Variants in RAPH1 observed in about 807,000 individuals in gnomAD.
RAPH1 encodes ras-associated and pleckstrin homology domains-containing protein 1.
RAPH1 carries 18 observed loss-of-function variants against 88.1 expected under a neutral mutation model. The ratio of observed to expected loss-of-function variants is 0.20; its 90% CI spans 0.14 to 0.30. The LOEUF is 0.30. Among genes scored for constraint, RAPH1 ranks in the 10% least tolerant of loss-of-function variants. The pLI is 1.00. For synonymous variants in RAPH1, 587 were observed against 559.0 expected (o/e 1.05, Z -0.71); for missense variants, 1,448 against 1,543.2 (o/e 0.94, Z 1.03).
intron 4 of RAPH1, among the ~76,000 whole-genome samples, chr2:203,473,033 G>C (rs914508747): frequency 1.3e-5 from 2 of 152,190 alleles, no homozygotes; most frequent in African/African-American, 2.4e-5. Context: ...ACAAACAATA[G>C]TTAAACATGA....
intron 2 of RAPH1, 101 bp from the exon 3 acceptor site, chr2:203,491,420 A>C: frequency 1.4e-6 from 1 of 706,194 alleles, no homozygotes; most frequent in Non-Finnish European, 2.3e-6. Context: ...CCACACTATA[A>C]TTAATTAAAC....
At chr2:203,477,159 G>C in intron 4 of RAPH1, 1 of 1,613,154 alleles carries the variant, frequency 6.2e-7, no homozygotes, top group Non-Finnish European at 8.5e-7. Flanking sequence ...ATAGCATGCT[G>C]TGAAAATGCA....
At position 203,439,727 on chromosome 2, in the gene RAPH1, G is replaced by T. The variant is rs1423630560; in HGVS notation, c.3463C>A (p.Pro1155Thr). 4 of 1,614,162 alleles carry T rather than the reference G, an allele frequency of 2.5e-6. No homozygotes were observed. In the Admixed American group the frequency reaches 6.7e-5, roughly 27 times the overall value. Residue 1155 changes from proline to threonine, a missense_variant, in exon 14 of 14, where the codon CCC becomes ACC. By Grantham distance (38) the Pro-to-Thr change is conservative. Around this residue, in one of 2 missense-constraint regions of RAPH1, gnomAD observed 935 missense variants for 890.1 expected, o/e 1.05. Coordinates refer to ENST00000319170, the MANE Select transcript of RAPH1 (RefSeq NM_213589.3). ...ATVVPQVPTS[P>T]KSSLSVQPGF... is the part of the protein sequence containing the mutation. The stretch of plus-strand genomic sequence containing the variant: ...GGCTGGACACTAAGGCTGGATTTGG[G>T]AGAGGTGGGCACTTGTGGCACAACT...
intron 1 of RAPH1, among the ~76,000 whole-genome samples, chr2:203,503,012 C>T (rs1176292259): frequency 6.6e-6 from 1 of 151,878 alleles, no homozygotes; most frequent in African/African-American, 2.4e-5. Flanking sequence ...TAGTGGCTGG[C>T]AGGCACCTGT....
At chr2:203,498,729 C>T (rs1688618393) in intron 1 of RAPH1, among the ~76,000 whole-genome samples, 1 of 151,974 alleles carries the variant, frequency 6.6e-6, no homozygotes, top group African/African-American at 2.4e-5. Flanking sequence ...AAATGCCATA[C>T]TGGGAAAAAT....
chr2:203,521,943 A>C (rs759304963), intron 1 of RAPH1, among the ~76,000 whole-genome samples: 1 of 152,138 alleles, frequency 6.6e-6, no homozygotes, highest in Admixed American at 6.5e-5. Flanking sequence ...ATTTCCATTA[A>C]TATTATTAGT....
intron 13 of RAPH1, chr2:203,441,673 C>T (rs1303408963): frequency 7.6e-7 from 1 of 1,307,746 alleles, no homozygotes; most frequent in African/African-American, 1.5e-5. Flanking sequence ...GGAAAAATGT[C>T]CGGCTGCAAA....
intron 7 of RAPH1, 103 bp downstream of exon 7, chr2:203,459,804 C>G: frequency 8.3e-7 from 1 of 1,211,058 alleles, no homozygotes; most frequent in Non-Finnish European, 1.2e-6. Flanking sequence ...GTATATCGCT[C>G]CAACCAGGTG....
intron 8 of RAPH1, among the ~76,000 whole-genome samples, chr2:203,457,239 A>G (rs970192563): frequency 5.3e-5 from 8 of 152,002 alleles, no homozygotes; most frequent in Non-Finnish European, 1.0e-4. Context: ...CTAGGCTGGA[A>G]TGCAGTGGTG....
intron 1 of RAPH1, among the ~76,000 whole-genome samples, chr2:203,531,393 T>C (rs1392447106): frequency 6.8e-6 from 1 of 146,178 alleles, no homozygotes; most frequent in Admixed American, 6.6e-5. Context: ...ACATCAGAAC[T>C]TGAAGTATAA....
At chr2:203,442,284 A>C (rs1443132727) in intron 13 of RAPH1, 5 of 448,348 alleles carry the variant, frequency 1.1e-5, no homozygotes, top group Non-Finnish European at 2.0e-5. Context: ...TATTTCGTGG[A>C]GCTAATCATG....
chr2:203,466,249 G>A (rs914209612), intron 4 of RAPH1, among the ~76,000 whole-genome samples: 2 of 152,052 alleles, frequency 1.3e-5, no homozygotes, highest in Admixed American at 1.3e-4. Context: ...ATCATCCCTG[G>A]AACAAAACTG....
At chr2:203,498,465 G>A (rs1275365578) in intron 1 of RAPH1, among the ~76,000 whole-genome samples, 1 of 152,150 alleles carries the variant, frequency 6.6e-6, no homozygotes, top group Non-Finnish European at 1.5e-5. Flanking sequence ...GTGATAGGCA[G>A]GTATTATATC....
chr2:203,454,674 A>T (rs906043598), intron 9 of RAPH1, 134 bp from the exon 10 acceptor site: 1 of 614,356 alleles, frequency 1.6e-6, no homozygotes, highest in African/African-American at 1.8e-5. Flanking sequence ...TATTTACACG[A>T]GACAATGAGA....
chr2:203,477,053 C>G lies in RAPH1; in HGVS notation c.732+12531G>C, dbSNP rs535658441. On this transcript the variant is annotated intron_variant, in intron 4 of 13. Transcript: ENST00000319170. ...TGCATTCCTCTTCATTAAGTCATGC[C>G]ATGGCATGTTTATAGAACTTACAGG... 3 of 1,559,666 alleles carry G rather than the reference C, an allele frequency of 1.9e-6. No homozygotes were observed. The South Asian group carries it at 3.3e-5, about 17-fold the overall frequency.
At chr2:203,530,856 C>A (rs1690358725) in intron 1 of RAPH1, among the ~76,000 whole-genome samples, 1 of 150,258 alleles carries the variant, frequency 6.7e-6, no homozygotes, top group Non-Finnish European at 1.5e-5. Context: ...TGTGCCATTG[C>A]ACTCCAGCCT....
At chr2:203,486,212 AAC>A (rs1327950870) in intron 4 of RAPH1, among the ~76,000 whole-genome samples, 1 of 152,212 alleles carries the variant, frequency 6.6e-6, no homozygotes, top group African/African-American at 2.4e-5. Flanking sequence ...CTGAAGTTGA[AAC>A]AGTGATCACC....
At chr2:203,450,137 G>A (rs529980551) in intron 10 of RAPH1, among the ~76,000 whole-genome samples, 43 of 151,094 alleles carry the variant, frequency 2.8e-4, no homozygotes, top group African/African-American at 1.0e-3. Context: ...AATAAAATAA[G>A]CAATTTAAAT....
At chr2:203,467,382 G>A (rs1314551926) in intron 4 of RAPH1, among the ~76,000 whole-genome samples, 1 of 151,918 alleles carries the variant, frequency 6.6e-6, no homozygotes, top group Non-Finnish European at 1.5e-5. Context: ...CCTGAGGTCA[G>A]GAGTTCAGGA....
Sources: allele counts gnomAD v4.1 joint callset (sites outside exome capture counted in the v4.1 genomes callset), GRCh38; gene constraint gnomAD v4.1.1; regional missense constraint gnomAD v4.1.1; transcripts MANE v1.5; gene names NCBI Gene and HGNC (gene_info 2026-07-23, HGNC 2026-07-21).